The following CCDC171 variants were observed in gnomAD, a reference collection of about 807,000 sequenced individuals.
CCDC171 encodes the protein coiled-coil domain-containing protein 171.
In CCDC171, 177 loss-of-function variants were observed where a neutral mutation model predicts 168.2. That is an observed-to-expected ratio of 1.05 (90% confidence interval 0.93 to 1.19). The LOEUF is 1.19. Ranked by LOEUF, CCDC171 falls within the 50% of genes most tolerant of loss-of-function variation. The pLI, the probability that CCDC171 is intolerant of heterozygous loss-of-function variation, is 0.00. For synonymous variants in CCDC171, 687 were observed against 540.8 expected, an observed-to-expected ratio of 1.27 and a Z score of -3.75; for missense variants, 1,991 against 1,539.0, an observed-to-expected ratio of 1.29 and a Z score of -4.91.
rs546070334 is a variant in CCDC171 at position 15,818,799 on chromosome 9, T to C, written c.3268-27903T>C. 1.7e-5 allele frequency among the ~76,000 whole-genome samples: 2 copies of C among 116,800 alleles called. 1 individual carries two copies. The highest frequency in any genetic ancestry group is 4.3e-4 in the East Asian group (2 of 4,670). The allele number at this position is 116,800 out of a possible 152,430, so 76.6% of individuals were successfully genotyped here. On this transcript the variant is annotated intron_variant, in intron 21 of 25. Coordinates refer to ENST00000380701, the MANE Select transcript of CCDC171 (RefSeq NM_173550.4). ...ATATTATCTAGGAGAACTTCCCCAA[T>C]CTAGCAAGGCAGGCCAACATTCAAA...
intron 24 of CCDC171, among the ~76,000 whole-genome samples, chr9:15,893,229 A>T (rs893588255): frequency 3.9e-5 from 6 of 152,198 alleles, no homozygotes; most frequent in Non-Finnish European, 8.8e-5. Flanking sequence ...CTGGCTAGCC[A>T]TATGCAAAAT....
intron 24 of CCDC171, among the ~76,000 whole-genome samples, chr9:15,876,921 T>TACCACTGAGTAAGTATA (rs1817922508): frequency 1.3e-5 from 2 of 152,108 alleles, no homozygotes; most frequent in African/African-American, 2.4e-5. Flanking sequence ...TATGAACCAT[T>TACCACTGAGTAAGTATA]TGCCCAACTT....
chr9:15,556,165 G>A (rs1282615496), intron 1 of CCDC171, among the ~76,000 whole-genome samples: 1 of 152,128 alleles, frequency 6.6e-6, no homozygotes, highest in Non-Finnish European at 1.5e-5. Flanking sequence ...TGTCTTTATA[G>A]CAGCATGATT....
At chr9:16,048,882 A>G (rs1428035748) in intron 1 of CCDC171, among the ~76,000 whole-genome samples, 1 of 150,892 alleles carries the variant, frequency 6.6e-6, no homozygotes, top group Non-Finnish European at 1.5e-5. Flanking sequence ...TCAGGGAGGC[A>G]TTTAGACCAC....
chr9:15,939,468 G>A (rs1827476798), intron 25 of CCDC171, among the ~76,000 whole-genome samples: 1 of 151,780 alleles, frequency 6.6e-6, no homozygotes, highest in Admixed American at 6.6e-5. Flanking sequence ...AGGACATCAG[G>A]TATATATAAT....
chr9:15,756,544 C>T (rs2056127734), intron 18 of CCDC171, among the ~76,000 whole-genome samples: 1 of 152,150 alleles, frequency 6.6e-6, no homozygotes, highest in Non-Finnish European at 1.5e-5. Flanking sequence ...TCTTTCACTC[C>T]CTACTCTAGT....
intron 3 of CCDC171, among the ~76,000 whole-genome samples, chr9:16,007,483 T>C (rs1400929365): frequency 4.6e-5 from 7 of 152,194 alleles, no homozygotes; most frequent in Non-Finnish European, 1.0e-4. Context: ...TTGCTTTTGG[T>C]GTTTTAGACA....
At chr9:16,034,989 C>T (rs1833436066) in intron 6 of CCDC171, among the ~76,000 whole-genome samples, 1 of 152,176 alleles carries the variant, frequency 6.6e-6, no homozygotes, top group South Asian at 2.1e-4. Flanking sequence ...ATTGAGTCTG[C>T]CAGCCCCCAT....
the CCDC171 span, among the ~76,000 whole-genome samples, chr9:16,087,366 A>G: frequency 0.23 from 34,402 of 152,012 alleles, 5,140 homozygotes; most frequent in East Asian, 0.5. Context: ...TGGGAGGCTA[A>G]GTCTCTTTGT....
At chr9:15,957,242 G>A (rs1488933573) in intron 25 of CCDC171, among the ~76,000 whole-genome samples, 2 of 152,110 alleles carry the variant, frequency 1.3e-5, no homozygotes, top group African/African-American at 4.8e-5. Context: ...TTTTGCTGCC[G>A]TGTCAAGTGA....
At chr9:15,860,071 A>G (rs748953495) in intron 23 of CCDC171, among the ~76,000 whole-genome samples, 1 of 151,502 alleles carries the variant, frequency 6.6e-6, no homozygotes, top group African/African-American at 2.4e-5. Context: ...TATATTGCAT[A>G]TAATTGTTCA....
chr9:15,778,662 A>AAAAAAAAAAAAC (rs1347148358), intron 19 of CCDC171, among the ~76,000 whole-genome samples: 1 of 150,730 alleles, frequency 6.6e-6, no homozygotes, highest in African/African-American at 2.4e-5. Context: ...AAAAAAAAAA[A>AAAAAAAAAAAAC]AAAGGCATGA....
At chr9:15,740,494 G>T (rs187693113) in intron 16 of CCDC171, among the ~76,000 whole-genome samples, 2 of 152,026 alleles carry the variant, frequency 1.3e-5, no homozygotes. Context: ...GAGTGCAGTG[G>T]TGTGATCTTG....
At chr9:15,609,098 T>C (rs1279190183) in intron 6 of CCDC171, among the ~76,000 whole-genome samples, 1 of 151,346 alleles carries the variant, frequency 6.6e-6, no homozygotes, top group Non-Finnish European at 1.5e-5. Flanking sequence ...ATGAACAGTT[T>C]AAAATTTTTT....
intron 7 of CCDC171, among the ~76,000 whole-genome samples, chr9:15,653,972 A>G (rs2047727748): frequency 1.3e-5 from 2 of 152,192 alleles, no homozygotes; most frequent in Non-Finnish European, 2.9e-5. Context: ...TTCCTTAGTT[A>G]CATCAGATAT....
In CCDC171 at chr9:15,779,027, A is replaced by T; in HGVS notation, c.2958A>T (p.Ala986=). The change falls in exon 20 of 26, where the codon GCA becomes GCT. Residue 986 remains alanine, a synonymous_variant. Coordinates refer to ENST00000380701, the MANE Select transcript of CCDC171 (RefSeq NM_173550.4). ...GATTTACACAAAGACTGCATGCTGCAGAAGTGGAGCGCCGCTCACTACGCT... is the reference window on the plus strand; with the variant it reads ...GATTTACACAAAGACTGCATGCTGCTGAAGTGGAGCGCCGCTCACTACGCT... The part of the protein sequence containing the change: ...ILGFTQRLHA[A]EVERRSLRLE... 6.3e-7 allele frequency: 1 copy of T among 1,597,694 alleles called. No homozygotes were observed. Among genetic ancestry groups the T allele is most frequent in the South Asian group, 1.2e-5 (1 of 86,196 alleles).
At chr9:15,695,109 G>A in intron 10 of CCDC171, 126 bp from the exon 11 acceptor site, 2 of 647,156 alleles carry the variant, frequency 3.1e-6, no homozygotes, top group Non-Finnish European at 2.7e-6. Context: ...GAGAAAGATG[G>A]TTTATTAATA....
chr9:16,035,918 C>T (rs1233745875), intron 7 of CCDC171, among the ~76,000 whole-genome samples: 1 of 152,212 alleles, frequency 6.6e-6, no homozygotes, highest in Non-Finnish European at 1.5e-5. Flanking sequence ...GAAACACTAT[C>T]AACACCTTCC....
At chr9:15,925,090 T>C (rs1825749311) in intron 25 of CCDC171, among the ~76,000 whole-genome samples, 1 of 151,666 alleles carries the variant, frequency 6.6e-6, no homozygotes, top group South Asian at 2.1e-4. Context: ...CAGACAATCC[T>C]TGTTCTCATG....
Sources: gnomAD v4.1 joint callset for allele counts (sites outside exome capture counted in the v4.1 genomes callset) on GRCh38, gnomAD v4.1.1 for gene constraint, MANE v1.5 for transcripts, NCBI Gene and HGNC (gene_info 2026-07-23, HGNC 2026-07-21) for gene names.